Variants in SETD1A observed in about 807,000 individuals in gnomAD.
SETD1A encodes the protein histone-lysine N-methyltransferase SETD1A.
A neutral mutation model predicts 149.9 loss-of-function variants in SETD1A; 29 were observed. That is an observed-to-expected ratio of 0.19 (90% CI 0.14 to 0.26). The LOEUF is 0.26. Among genes scored for constraint, SETD1A ranks in the 10% least tolerant of loss-of-function variants. The pLI, the probability that SETD1A is intolerant of heterozygous loss-of-function variation, is 1.00. For synonymous variants in SETD1A, 1,141 were observed against 968.5 expected (o/e 1.18, Z -3.31); for missense variants, 2,109 against 2,353.1 (o/e 0.90, Z 2.15).
intron 13 of SETD1A, among the ~76,000 whole-genome samples, chr16:30,972,744 C>T (rs1175852135): frequency 1.1e-4 from 17 of 151,258 alleles, no homozygotes; most frequent in Admixed American, 1.1e-3. Context: ...ATCCCAGCTG[C>T]TCGGGAGGCT....
At chr16:30,975,126 G>A (rs1464806220) in intron 13 of SETD1A, among the ~76,000 whole-genome samples, 1 of 150,932 alleles carries the variant, frequency 6.6e-6, no homozygotes, top group East Asian at 2.0e-4. Flanking sequence ...CCAGCCTGGT[G>A]ACAGAGCGAG....
At position 30,966,342 on chromosome 16, in the gene SETD1A, G is replaced by A. The variant is rs183501288; in HGVS notation, c.2461G>A (p.Gly821Arg). The change falls in exon 8 of 19, where the codon GGA (glycine) becomes AGA (arginine). Residue 821 changes from glycine (G) to arginine (R), a missense_variant. Coordinates refer to ENST00000262519, the MANE Select transcript of SETD1A (RefSeq NM_014712.3). Reference sequence around the variant, plus strand: ...CAAGATGGTGGAGAACGTGGCCTTCGGAGCCTTTGACCAGTGGTGGGAGAG... The same window carrying A: ...CAAGATGGTGGAGAACGTGGCCTTCAGAGCCTTTGACCAGTGGTGGGAGAG... ...NRKMVENVAF[G>R]AFDQWWESKE... 7.4e-6 allele frequency: 12 copies of A among 1,613,382 alleles called. No individual in the cohort carries two copies. Among genetic ancestry groups the A allele is most frequent in the African/African-American group, 1.3e-5 (1 of 75,062 alleles).
rs1443295560 is a variant in SETD1A, at chr16:30,965,135, C to G, written c.1393C>G (p.Pro465Ala). The stretch of plus-strand genomic sequence containing the variant: ...TCGGACTTCCCCCCGCCCAGCCTCC[C>G]CTGCCCGCTCTGGCTCCCCAGCCCC... ...EVRTSPRPASPARSGSPAPET... is the reference protein window; with the variant it reads ...EVRTSPRPASAARSGSPAPET... Residue 465 changes from proline to alanine, a missense_variant, in exon 7 of 19, where the codon CCT becomes GCT. Around this residue, in one of 8 missense-constraint regions of SETD1A, gnomAD observed 410 missense variants for 394.8 expected, o/e 1.04. Coordinates refer to ENST00000262519, the MANE Select transcript of SETD1A (RefSeq NM_014712.3). 3.1e-6 allele frequency: 5 copies of G among 1,612,772 alleles called. No individual in the cohort carries two copies. In the African/African-American group the frequency reaches 5.3e-5, roughly 17 times the overall value.
intron 5 of SETD1A, among the ~76,000 whole-genome samples, 189 bp from the exon 6 acceptor site, chr16:30,963,905 T>G (rs1596673052): frequency 6.6e-6 from 1 of 150,764 alleles, no homozygotes; most frequent in East Asian, 2.0e-4. Flanking sequence ...GGCAGGAGAA[T>G]GGCATGAACC....
chr16:30,971,350 C>G, intron 12 of SETD1A, 28 bp from the exon 13 acceptor site: 1 of 1,556,862 alleles, frequency 6.4e-7, no homozygotes, highest in East Asian at 2.3e-5. Flanking sequence ...CTGCCCACCT[C>G]TCCTGACTGC....
intron 4 of SETD1A, among the ~76,000 whole-genome samples, chr16:30,962,462 TTTGAG>T (rs2143473208): frequency 6.6e-6 from 1 of 152,254 alleles, no homozygotes; most frequent in South Asian, 2.1e-4. Flanking sequence ...GGTTTGGAAA[TTTGAG>T]ATAGAGAGTA....
Position 30,964,779 on chromosome 16 carries a change from C to G in SETD1A, c.1037C>G (p.Ser346Trp). ...SSSASSSSLS[S>W]SSSSSSSSSS... is the part of the protein sequence containing the mutation. ...TCCGCCTCTTCCTCCTCATTGTCCTCGTCCTCCTCGTCATCCTCTTCCTCC... is the reference window on the plus strand; with the variant it reads ...TCCGCCTCTTCCTCCTCATTGTCCTGGTCCTCCTCGTCATCCTCTTCCTCC... The change falls in exon 7 of 19, where the codon TCG (serine) becomes TGG (tryptophan). Residue 346 changes from serine to tryptophan, a missense_variant. Ser to Trp is a radical substitution (Grantham distance 177). Coordinates refer to ENST00000262519, the MANE Select transcript of SETD1A (RefSeq NM_014712.3). 1 of 1,614,174 alleles carries G rather than the reference C, an allele frequency of 6.2e-7. No individual in the cohort carries two copies. The highest frequency in any genetic ancestry group is 8.5e-7 in the Non-Finnish European group (1 of 1,179,988).
At chr16:30,973,692 C>T (rs1323592371) in intron 13 of SETD1A, among the ~76,000 whole-genome samples, 11 of 152,254 alleles carry the variant, frequency 7.2e-5, no homozygotes, top group Middle Eastern at 3.4e-3. Context: ...CATGGCCTCC[C>T]GGGGTCTCCC....
At chr16:30,981,794 T>TA (rs377437131) in intron 17 of SETD1A, among the ~76,000 whole-genome samples, 2 of 152,010 alleles carry the variant, frequency 1.3e-5, no homozygotes, top group African/African-American at 4.8e-5. Context: ...CTGCAAAAAA[T>TA]ACAAAAGCTA....
Position 30,982,228 on chromosome 16 carries a change from C to T in SETD1A, c.4812+1048C>T, listed in dbSNP as rs529652656. ...TAGAAACCAGGGCCATGGCCAGGCG[C>T]GGTGGCTCATGCCTGTAATCCGAGC... On this transcript the variant is annotated intron_variant, in intron 17 of 18. Transcript: ENST00000262519. Among the ~76,000 whole-genome samples the T allele has an allele frequency of 5.5e-4, 83 of 152,148 alleles. 1 individual carries two copies. Among genetic ancestry groups the T allele is most frequent in the Admixed American group, 5.9e-4 (9 of 15,278 alleles).
In SETD1A at chr16:30,964,337, C is replaced by T. The variant is rs760204810; in HGVS notation, c.869+14C>T. On this transcript the variant is annotated intron_variant, in intron 6 of 18. Coordinates refer to ENST00000262519, the MANE Select transcript of SETD1A (RefSeq NM_014712.3). ...CTACTCCAGCAGGTACAGAGCAGAC[C>T]CCGCCTGGGGCCCCGCCCGCAAAGT... 1 of 1,602,116 alleles carries T rather than the reference C, an allele frequency of 6.2e-7. No homozygotes were observed. Among genetic ancestry groups the T allele is most frequent in the Non-Finnish European group, 8.5e-7 (1 of 1,170,254 alleles).
intron 13 of SETD1A, among the ~76,000 whole-genome samples, chr16:30,975,476 C>A (rs1203268234): frequency 2.7e-5 from 4 of 145,504 alleles, no homozygotes; most frequent in African/African-American, 5.1e-5. Flanking sequence ...TGTTACCCAG[C>A]CGGGAGTGCA....
chr16:30,983,543 G>A lies in SETD1A; in HGVS notation c.4813-92G>A, dbSNP rs565630910. 6 of 1,444,486 alleles carry A rather than the reference G, an allele frequency of 4.2e-6. No homozygotes were observed. The highest frequency in any genetic ancestry group is 4.1e-5 in the African/African-American group (3 of 72,362). The allele number at this position is 1,444,486 out of a possible 1,614,324, so 89.5% of individuals were successfully genotyped here. ...GAGGCAGAGCTGCAGCTCCAGGCCT[G>A]GTGGGCGTGGACCTGGGGTGCTGGC... On this transcript the variant is annotated intron_variant, in intron 17 of 18. Coordinates refer to ENST00000262519, the MANE Select transcript of SETD1A (RefSeq NM_014712.3). The surrounding 1 kb of genome is among the most constrained non-coding windows in gnomAD (Gnocchi z 6.8).
rs758633730 is a variant in SETD1A, at chr16:30,979,363, G to A, written c.3577G>A (p.Gly1193Ser). The change falls in exon 14 of 19, where the codon GGC (glycine) becomes AGC (serine). Residue 1193 changes from glycine (G) to serine (S), a missense_variant. Physicochemically the swap from Gly to Ser is moderately conservative, Grantham distance 56. Transcript: ENST00000262519. ...PATPPQAKFP[G>S]PASRKAPRGV... Reference sequence around the variant, plus strand: ...CACACCGCCGCAGGCCAAGTTTCCCGGCCCAGCCTCCCGCAAGGCTCCCCG... The same window carrying A: ...CACACCGCCGCAGGCCAAGTTTCCCAGCCCAGCCTCCCGCAAGGCTCCCCG... 52 of 1,612,556 alleles carry A rather than the reference G, an allele frequency of 3.2e-5. No homozygotes were observed. Among genetic ancestry groups the A allele is most frequent in the Admixed American group, 1.5e-4 (9 of 59,916 alleles).
At position 30,979,487 on chromosome 16, in the gene SETD1A, G is replaced by A. The variant is rs1158379643; in HGVS notation, c.3701G>A (p.Gly1234Glu). ...TCCCGAGGAGGCCGGAGCCGGGCTG[G>A]AGGCCGAGGCCGCCTCACCGAGGAA... ...EVSRGGRSRAGGRGRLTEEEE... is the reference protein window; with the variant it reads ...EVSRGGRSRAEGRGRLTEEEE... The change falls in exon 14 of 19, where the codon GGA (glycine) becomes GAA (glutamate). Residue 1234 changes from glycine to glutamate, a missense_variant. Around this residue, in one of 8 missense-constraint regions of SETD1A, gnomAD observed 832 missense variants for 815.6 expected, o/e 1.02. Coordinates refer to ENST00000262519, the MANE Select transcript of SETD1A (RefSeq NM_014712.3). 1.2e-6 allele frequency: 2 copies of A among 1,600,488 alleles called. No individual in the cohort carries two copies. The highest frequency in any genetic ancestry group is 1.3e-5 in the African/African-American group (1 of 74,876).
In SETD1A at chr16:30,983,415, C is replaced by T. The variant is rs1049559474; in HGVS notation, c.4813-220C>T. Among the ~76,000 whole-genome samples the T allele has an allele frequency of 7.2e-5, 11 of 152,158 alleles. No individual in the cohort carries two copies. Among genetic ancestry groups the T allele is most frequent in the East Asian group, 1.9e-4 (1 of 5,184 alleles). On this transcript the variant is annotated intron_variant, in intron 17 of 18. Transcript: ENST00000262519. This position sits in a 1 kb window ranked among gnomAD's most constrained non-coding sequence, Gnocchi z 6.8. ...GTGCAGATTTCCCTGGAGTTCCCTGCGGGTGACTTAGAATGGCCACCAGAG... is the reference window on the plus strand; with the variant it reads ...GTGCAGATTTCCCTGGAGTTCCCTGTGGGTGACTTAGAATGGCCACCAGAG...
In SETD1A at chr16:30,965,061, C is replaced by G. The variant is rs1299984883; in HGVS notation, c.1319C>G (p.Pro440Arg). 13 of 1,611,782 alleles carry G rather than the reference C, an allele frequency of 8.1e-6. No individual in the cohort carries two copies. Among genetic ancestry groups the G allele is most frequent in the African/African-American group, 4.0e-5 (3 of 74,902 alleles). The change falls in exon 7 of 19, where the codon CCT (proline) becomes CGT (arginine). Residue 440 changes from proline to arginine, a missense_variant. This residue lies in a region of SETD1A where 410 missense variants were observed against 394.8 expected (regional missense o/e 1.04). Transcript: ENST00000262519. ...GCTCCACCCCCGGAGCCTCCAGAAC[C>G]TGGTGGAGGCGGGGGTGGAGGAGGG... ...SEAPPPEPPE[P>R]GGGGGGGGPS...
Position 30,983,567 on chromosome 16 carries a change from G to T in SETD1A, c.4813-68G>T. 6.4e-7 allele frequency: 1 copy of T among 1,559,900 alleles called. No individual in the cohort carries two copies. Among genetic ancestry groups the T allele is most frequent in the Non-Finnish European group, 8.7e-7 (1 of 1,152,358 alleles). ...TGGTGGGCGTGGACCTGGGGTGCTGGCTGGCAGGCGTGCTCAGGGGCAGGA... is the reference window on the plus strand; with the variant it reads ...TGGTGGGCGTGGACCTGGGGTGCTGTCTGGCAGGCGTGCTCAGGGGCAGGA... On this transcript the variant is annotated intron_variant, in intron 17 of 18. Coordinates refer to ENST00000262519, the MANE Select transcript of SETD1A (RefSeq NM_014712.3). The surrounding 1 kb of genome is among the most constrained non-coding windows in gnomAD (Gnocchi z 6.8).
chr16:30,981,217 T>TG, intron 17 of SETD1A, 37 bp downstream of exon 17: 7 of 1,612,196 alleles, frequency 4.3e-6, no homozygotes, highest in Non-Finnish European at 5.9e-6. Context: ...CGGCTTCTGA[T>TG]GCAACAAGAC....
Sources: gnomAD v4.1 joint callset for allele counts (sites outside exome capture counted in the v4.1 genomes callset) on GRCh38, gnomAD v4.1.1 for gene constraint, gnomAD v4.1.1 regional missense constraint, Gnocchi (gnomAD v3.1) non-coding constraint, MANE v1.5 for transcripts, NCBI Gene and HGNC (gene_info 2026-07-23, HGNC 2026-07-21) for gene names.